The following PPP2R2C variants were observed in gnomAD, a reference collection of about 807,000 sequenced individuals.
PPP2R2C encodes the protein protein phosphatase 2, regulatory subunit B, gamma.
Under a neutral mutation model 45.3 loss-of-function variants are expected in PPP2R2C, and 10 were observed. The observed-to-expected ratio is 0.22, with a 90% CI of 0.14 to 0.37. The LOEUF is 0.37. PPP2R2C is among the 10% of genes least tolerant of loss of function. PPP2R2C has a pLI of 1.00. For synonymous variants in PPP2R2C, 257 were observed against 245.4 expected, an observed-to-expected ratio of 1.05 and a Z score of -0.44; for missense variants, 308 against 619.7, an observed-to-expected ratio of 0.50 and a Z score of 5.34.
At chr4:6,404,544 C>T (rs1420729608) in intron 1 of PPP2R2C, among the ~76,000 whole-genome samples, 1 of 152,184 alleles carries the variant, frequency 6.6e-6, no homozygotes, top group Non-Finnish European at 1.5e-5. Flanking sequence ...ACGCTTCTCA[C>T]TCTAAAGGTT....
At chr4:6,527,907 C>G (rs1205880233) in intron 2 of PPP2R2C, among the ~76,000 whole-genome samples, 1 of 152,138 alleles carries the variant, frequency 6.6e-6, no homozygotes, top group Non-Finnish European at 1.5e-5. Context: ...AGAACCTGTC[C>G]CAGGAGCTGG....
chr4:6,410,178 G>A (rs966953813), intron 1 of PPP2R2C, among the ~76,000 whole-genome samples: 3 of 152,226 alleles, frequency 2.0e-5, no homozygotes, highest in South Asian at 2.1e-4. Context: ...GCCTCAGCGA[G>A]CTGATGAAGC....
chr4:6,369,983 T>C (rs563231477), intron 5 of PPP2R2C, among the ~76,000 whole-genome samples: 69 of 152,200 alleles, frequency 4.5e-4, no homozygotes, highest in Non-Finnish European at 7.8e-4. Context: ...ACTCTAGGGC[T>C]TTATGGTTCT....
chr4:6,463,550 A>C (rs923492944), intron 1 of PPP2R2C, among the ~76,000 whole-genome samples: 1 of 152,332 alleles, frequency 6.6e-6, no homozygotes, highest in South Asian at 2.1e-4. Context: ...CAAGGAGGGC[A>C]GTGCCTGTCC....
rs573206609 is a variant in PPP2R2C at position 6,379,063 on chromosome 4, C to G, written c.169-491G>C. Reference sequence around the variant, plus strand: ...CTCTGGCCACCCTCGTGTCTTGGGCCCTGACTTGCTCCTGGATTCCACGTG... The same window carrying G: ...CTCTGGCCACCCTCGTGTCTTGGGCGCTGACTTGCTCCTGGATTCCACGTG... On this transcript the variant is annotated intron_variant, in intron 2 of 8. Coordinates refer to ENST00000382599, the MANE Select transcript of PPP2R2C (RefSeq NM_020416.4). Among the ~76,000 whole-genome samples the G allele has an allele frequency of 1.8e-4, 28 of 152,192 alleles. No homozygotes were observed. In the East Asian group the frequency reaches 5.4e-3, roughly 30 times the overall value.
At position 6,378,692 on chromosome 4, in the gene PPP2R2C, A is replaced by G. The variant is rs565336235; in HGVS notation, c.169-120T>C. On this transcript the variant is annotated intron_variant, in intron 2 of 8. Transcript: ENST00000382599. The surrounding 1 kb of genome is among the most constrained non-coding windows in gnomAD (Gnocchi z 5.2). Reference sequence around the variant, plus strand: ...AGTGCCGAGCCGTGCCAGGGATCCAATTCGAGGGTCAAATGAAACTCTCTG... The same window carrying G: ...AGTGCCGAGCCGTGCCAGGGATCCAGTTCGAGGGTCAAATGAAACTCTCTG... 2 of 1,066,512 alleles carry G rather than the reference A, an allele frequency of 1.9e-6. No individual in the cohort carries two copies. Among genetic ancestry groups the G allele is most frequent in the East Asian group, 4.8e-5 (2 of 41,828 alleles). 66.1% of individuals were successfully genotyped at this position (1,066,512 alleles called of 1,614,324 possible).
chr4:6,522,867 A>G (rs1009696765), intron 2 of PPP2R2C, among the ~76,000 whole-genome samples: 2 of 152,238 alleles, frequency 1.3e-5, no homozygotes, highest in African/African-American at 4.8e-5. Flanking sequence ...AATAGGGACC[A>G]TCCCCTGATA....
At chr4:6,486,028 T>C (rs982022551) in intron 2 of PPP2R2C, among the ~76,000 whole-genome samples, 3 of 152,044 alleles carry the variant, frequency 2.0e-5, no homozygotes, top group Admixed American at 2.0e-4. Flanking sequence ...TGTTTAGTGC[T>C]GTAAATTTCC....
chr4:6,381,479 C>T (rs1439663762), intron 1 of PPP2R2C: 6 of 1,369,560 alleles, frequency 4.4e-6, no homozygotes, highest in Non-Finnish European at 5.7e-6. Flanking sequence ...GGCCCCCATG[C>T]TCCAGCAACC....
intron 1 of PPP2R2C, among the ~76,000 whole-genome samples, chr4:6,551,361 G>C (rs980491631): frequency 1.3e-5 from 2 of 152,192 alleles, no homozygotes; most frequent in Non-Finnish European, 2.9e-5. Context: ...CAAACACGTG[G>C]CATGGAGAAC....
At chr4:6,533,968 C>T (rs1577244011) in intron 2 of PPP2R2C, among the ~76,000 whole-genome samples, 1 of 151,714 alleles carries the variant, frequency 6.6e-6, no homozygotes, top group Admixed American at 6.6e-5. Context: ...AACACACACA[C>T]ACCCCAATAC....
chr4:6,333,879 G>C (rs1340158529), intron 6 of PPP2R2C, 148 bp from the exon 7 acceptor site: 5 of 854,412 alleles, frequency 5.9e-6, no homozygotes, highest in African/African-American at 1.7e-5. Context: ...ACACTTACCA[G>C]GGAACAAGCC....
rs1724122279 is a variant in PPP2R2C, at chr4:6,524,260, G to C, written c.49+11011C>G. On this transcript the variant is annotated intron_variant, in intron 2 of 9. Transcript: ENST00000506140. Reference sequence around the variant, plus strand: ...TTCTAATGCGAGCTACATCCTGGATGAGCCTTGAAAACACTCGGCCAAATG... The same window carrying C: ...TTCTAATGCGAGCTACATCCTGGATCAGCCTTGAAAACACTCGGCCAAATG... 1.3e-5 allele frequency among the ~76,000 whole-genome samples: 2 copies of C among 152,142 alleles called. 1 individual carries two copies. Among genetic ancestry groups the C allele is most frequent in the South Asian group, 4.1e-4 (2 of 4,834 alleles).
At position 6,324,523 on chromosome 4, in the gene PPP2R2C, C is replaced by CCA. The variant is rs1270198699; in HGVS notation, c.1053-932_1053-931dup. 5.3e-5 allele frequency among the ~76,000 whole-genome samples: 8 copies of CCA among 152,216 alleles called. No homozygotes were observed. The highest frequency in any genetic ancestry group is 2.6e-4 in the Admixed American group (4 of 15,284). ...CTGGCCTTCCAAACAGACTGTGCAA[C>CCA]CACAGCAGGAGGTAGACATGGAAGC... is the stretch of plus-strand genomic sequence containing the variant. On this transcript the variant is annotated intron_variant, in intron 8 of 8. Coordinates refer to ENST00000382599, the MANE Select transcript of PPP2R2C (RefSeq NM_020416.4). This position sits in a 1 kb window ranked among gnomAD's most constrained non-coding sequence, Gnocchi z 4.1.
intron 1 of PPP2R2C, among the ~76,000 whole-genome samples, chr4:6,423,751 C>T (rs775786970): frequency 6.6e-6 from 1 of 152,024 alleles, no homozygotes; most frequent in Non-Finnish European, 1.5e-5. Flanking sequence ...AGGGTAGGAA[C>T]CAGCTTGGTG....
intron 1 of PPP2R2C, among the ~76,000 whole-genome samples, chr4:6,453,579 G>A (rs536520663): frequency 1.6e-3 from 233 of 145,552 alleles, no homozygotes; most frequent in African/African-American, 4.8e-3. Flanking sequence ...TGGTCCCCCC[G>A]CACCAGTGCG....
At chr4:6,481,576 T>A (rs1722351458) in intron 2 of PPP2R2C, among the ~76,000 whole-genome samples, 1 of 152,204 alleles carries the variant, frequency 6.6e-6, no homozygotes, top group Non-Finnish European at 1.5e-5. Flanking sequence ...AACAAGTCAA[T>A]ATCAAGTAGG....
At chr4:6,334,072 G>A (rs1172580716) in intron 6 of PPP2R2C, among the ~76,000 whole-genome samples, 2 of 152,194 alleles carry the variant, frequency 1.3e-5, no homozygotes, top group East Asian at 3.8e-4. Context: ...TACTGGTGAT[G>A]CTGAATGCCA....
At chr4:6,559,565 C>T (rs1039596589) in intron 1 of PPP2R2C, among the ~76,000 whole-genome samples, 1 of 152,106 alleles carries the variant, frequency 6.6e-6, no homozygotes, top group African/African-American at 2.4e-5. Context: ...CTCCAAAATC[C>T]CCCCTGCTGT....
Sources: allele counts gnomAD v4.1 joint callset (sites outside exome capture counted in the v4.1 genomes callset), GRCh38; gene constraint gnomAD v4.1.1; non-coding constraint Gnocchi (gnomAD v3.1); transcripts MANE v1.5; gene names NCBI Gene and HGNC (gene_info 2026-07-23, HGNC 2026-07-21).